Variants in LIPG observed in about 807,000 individuals in gnomAD.
LIPG encodes lipase G, endothelial type.
A neutral mutation model predicts 51.8 loss-of-function variants in LIPG; 34 were observed. The observed-to-expected ratio is 0.66, with a 90% CI of 0.50 to 0.87. The LOEUF is 0.87. Ranked by LOEUF, LIPG falls within the 40% of genes least tolerant of loss-of-function variation. LIPG has a pLI of 0.00. For missense variants in LIPG, 580 were observed against 652.7 expected, an observed-to-expected ratio of 0.89 and a Z score of 1.21; for synonymous variants, 246 against 246.1, an observed-to-expected ratio of 1.00 and a Z score of 0.00.
intron 4 of LIPG, among the ~76,000 whole-genome samples, chr18:49,574,490 C>T (rs1361377835): frequency 6.6e-6 from 1 of 152,138 alleles, no homozygotes; most frequent in African/African-American, 2.4e-5. Context: ...TACATTAATG[C>T]AGTTTTCAAA....
rs41525750 is a variant in LIPG, at chr18:49,590,340, G to A, written c.1482-161G>A. On this transcript the variant is annotated intron_variant, in intron 9 of 9. Transcript: ENST00000261292. Reference sequence around the variant, plus strand: ...AGGTTAGGGAGAGAAGGCAGCACTCGGGACCTTGTCCATTTATTCTGAAAG... The same window carrying A: ...AGGTTAGGGAGAGAAGGCAGCACTCAGGACCTTGTCCATTTATTCTGAAAG... 982 of 798,096 alleles carry A rather than the reference G, an allele frequency of 1.2e-3. 22 individuals are homozygous for A. In the East Asian group the frequency reaches 0.023, roughly 19 times the overall value. The allele number at this position is 798,096 out of a possible 1,614,324, so 49.4% of individuals were successfully genotyped here.
In LIPG at chr18:49,575,214, T is replaced by A. The variant is rs190882111; in HGVS notation, c.572-155T>A. 2.6e-5 allele frequency among the ~76,000 whole-genome samples: 4 copies of A among 152,250 alleles called. No homozygotes were observed. The East Asian group carries it at 7.7e-4, about 29-fold the overall frequency. On this transcript the variant is annotated intron_variant, in intron 4 of 9. Transcript: ENST00000261292. The stretch of plus-strand genomic sequence containing the variant: ...GGGGTCAACTGCATATGGAAATGGG[T>A]TTCTTATTTTCTTCCATGCTTTCCA...
chr18:49,584,644 C>T (rs1173342783), intron 8 of LIPG, among the ~76,000 whole-genome samples: 1 of 152,168 alleles, frequency 6.6e-6, no homozygotes, highest in Non-Finnish European at 1.5e-5. Flanking sequence ...TATGACACAG[C>T]TTGGCAGCAG....
At chr18:49,572,706 G>A (rs1034813584) in intron 4 of LIPG, among the ~76,000 whole-genome samples, 5 of 146,012 alleles carry the variant, frequency 3.4e-5, no homozygotes, top group African/African-American at 1.3e-4. Flanking sequence ...ACTCCAGCCT[G>A]GGCAACAGAG....
chr18:49,569,117 T>C (rs2097055), intron 3 of LIPG, among the ~76,000 whole-genome samples: 83,563 of 151,824 alleles, frequency 0.55, 23,640 homozygotes, highest in Middle Eastern at 0.69. Context: ...CTCCTCACCA[T>C]CACCCTCCCC....
chr18:49,588,083 C>G (rs2084902570), intron 9 of LIPG, among the ~76,000 whole-genome samples: 1 of 152,060 alleles, frequency 6.6e-6, no homozygotes, highest in Non-Finnish European at 1.5e-5. Context: ...AGCCACTGTG[C>G]CTGGCCCCTG....
intron 2 of LIPG, among the ~76,000 whole-genome samples, chr18:49,565,873 G>GTTGCTT: frequency 6.6e-6 from 1 of 152,210 alleles, no homozygotes; most frequent in Non-Finnish European, 1.5e-5. Flanking sequence ...CTGGCTCTGA[G>GTTGCTT]AACCTATGAG....
intron 5 of LIPG, among the ~76,000 whole-genome samples, chr18:49,577,737 G>T (rs866110152): frequency 1.2e-5 from 1 of 81,238 alleles, no homozygotes; most frequent in South Asian, 5.2e-4. Context: ...GGCTGGCCGG[G>T]CGGGGGGGCT....
chr18:49,577,533 C>T (rs2084732783), intron 5 of LIPG, among the ~76,000 whole-genome samples: 2 of 149,432 alleles, frequency 1.3e-5, no homozygotes, highest in African/African-American at 5.0e-5. Context: ...AGCTGCTGGG[C>T]ACACCTCCCA....
intron 8 of LIPG, among the ~76,000 whole-genome samples, chr18:49,585,809 C>G (rs1438657012): frequency 6.6e-6 from 1 of 152,204 alleles, no homozygotes; most frequent in Non-Finnish European, 1.5e-5. Context: ...CTTTTCCCTC[C>G]TTTTCACCCA....
intron 8 of LIPG, among the ~76,000 whole-genome samples, chr18:49,585,904 G>A (rs2084875146): frequency 6.6e-6 from 1 of 152,174 alleles, no homozygotes; most frequent in African/African-American, 2.4e-5. Flanking sequence ...GATTGTGCGT[G>A]AGATAGGTCA....
upstream of LIPG, chr18:49,561,727 A>G (rs2148845923): frequency 8.0e-7 from 1 of 1,244,030 alleles, no homozygotes; most frequent in Non-Finnish European, 1.0e-6. Context: ...GCGGACGCAG[A>G]GTTTCAGGGA....
rs756283819 is a variant in LIPG at position 49,583,683 on chromosome 18, G to GT, written c.1285_1286insT (p.Glu429ValfsTer40). ...TCAGTCTTGGTACAACCTGTGGAAG[G>GT]AGTTTCGCAGCTACCTGTCTCAACC... On this transcript the variant is annotated frameshift_variant, in exon 8 of 10. Transcript: ENST00000261292. LOFTEE classifies it high-confidence loss of function. 1 of 1,614,166 alleles carries GT rather than the reference G, an allele frequency of 6.2e-7. No homozygotes were observed. Among genetic ancestry groups the GT allele is most frequent in the Non-Finnish European group, 8.5e-7 (1 of 1,180,036 alleles).
At chr18:49,579,650 C>G (rs1463845760) in intron 5 of LIPG, among the ~76,000 whole-genome samples, 1 of 152,050 alleles carries the variant, frequency 6.6e-6, no homozygotes, top group African/African-American at 2.4e-5. Flanking sequence ...CTCAGTCTTT[C>G]CCTCTCCCGG....
In LIPG at chr18:49,590,231, A is replaced by C. The variant is rs73959570; in HGVS notation, c.1482-270A>C. 2.2e-3 allele frequency: 1,231 copies of C among 565,252 alleles called. 14 individuals are homozygous for C. The highest frequency in any genetic ancestry group is 0.021 in the African/African-American group (1,122 of 53,472). 35.0% of individuals were successfully genotyped at this position (565,252 alleles called of 1,614,324 possible). On this transcript the variant is annotated intron_variant, in intron 9 of 9. Coordinates refer to ENST00000261292, the MANE Select transcript of LIPG (RefSeq NM_006033.4). ...TGTATGTTGTGGGTGGATAATATGT[A>C]AATGCAAGAACTGTGATGTACTCAA...
chr18:49,582,684 C>T (rs1432889167), intron 7 of LIPG, among the ~76,000 whole-genome samples: 3 of 152,170 alleles, frequency 2.0e-5, no homozygotes, highest in Admixed American at 6.6e-5. Flanking sequence ...CTCAGCGTTT[C>T]GGGGAGAAAA....
intron 5 of LIPG, among the ~76,000 whole-genome samples, chr18:49,576,324 C>G (rs1173682140): frequency 1.3e-5 from 2 of 151,828 alleles, no homozygotes; most frequent in African/African-American, 4.8e-5. Context: ...TATTTGCATG[C>G]ATATTTTTCC....
At chr18:49,582,328 G>T in intron 6 of LIPG, 34 bp from the exon 7 acceptor site, 1 of 1,613,844 alleles carries the variant, frequency 6.2e-7, no homozygotes, top group Non-Finnish European at 8.5e-7. Flanking sequence ...GACAAGCAAG[G>T]GTTACAAGCA....
At chr18:49,587,753 C>G (rs2084898966) in intron 9 of LIPG, among the ~76,000 whole-genome samples, 1 of 151,546 alleles carries the variant, frequency 6.6e-6, no homozygotes, top group South Asian at 2.1e-4. Flanking sequence ...AACTAAGTCC[C>G]CAGGTTGGTG....
Sources: allele counts gnomAD v4.1 joint callset (sites outside exome capture counted in the v4.1 genomes callset), GRCh38; gene constraint gnomAD v4.1.1; transcripts MANE v1.5; gene names NCBI Gene and HGNC (gene_info 2026-07-23, HGNC 2026-07-21).